The following TNFAIP8 variants were observed in gnomAD, a reference collection of about 807,000 sequenced individuals.
The protein encoded by TNFAIP8 is tumor necrosis factor alpha-induced protein 8.
TNFAIP8 carries 7 observed loss-of-function variants against 13.3 expected under a neutral mutation model. The ratio of observed to expected loss-of-function variants is 0.52; its 90% CI spans 0.30 to 0.99. The LOEUF is 0.99. TNFAIP8 is among the 50% of genes least tolerant of loss of function. The probability of loss-of-function intolerance (pLI) is 0.07; values close to 1 mark genes in which losing one functional copy is unlikely to be tolerated. For synonymous variants in TNFAIP8, 94 were observed against 87.6 expected (o/e 1.07, Z -0.41); for missense variants, 258 against 236.9 (o/e 1.09, Z -0.58).
intron 1 of TNFAIP8, among the ~76,000 whole-genome samples, chr5:119,309,964 A>G (rs1274739886): frequency 6.6e-6 from 1 of 152,206 alleles, no homozygotes; most frequent in Non-Finnish European, 1.5e-5. Flanking sequence ...AACCAGACAC[A>G]CAGGACTGTG....
At chr5:119,317,138 G>C (rs1003299953) in intron 1 of TNFAIP8, among the ~76,000 whole-genome samples, 4 of 152,148 alleles carry the variant, frequency 2.6e-5, no homozygotes, top group Non-Finnish European at 4.4e-5. Context: ...CCTCTTCTGC[G>C]TCTGCCATCA....
intron 1 of TNFAIP8, among the ~76,000 whole-genome samples, chr5:119,359,612 A>T (rs1478412700): frequency 6.6e-6 from 1 of 152,160 alleles, no homozygotes; most frequent in Non-Finnish European, 1.5e-5. Context: ...CTTCTGTAAT[A>T]AGAATCCCAA....
At chr5:119,340,152 A>G (rs1750689816) in intron 1 of TNFAIP8, among the ~76,000 whole-genome samples, 1 of 152,220 alleles carries the variant, frequency 6.6e-6, no homozygotes, top group Admixed American at 6.5e-5. Flanking sequence ...TATCTTTTAG[A>G]TGAAATCTGT....
At chr5:119,275,108 AAACACAACATATAAAATG>A (rs1222365944) in intron 1 of TNFAIP8, among the ~76,000 whole-genome samples, 1 of 152,118 alleles carries the variant, frequency 6.6e-6, no homozygotes, top group Non-Finnish European at 1.5e-5. Context: ...CATATAAAAT[AAACACAACATATAAAATG>A]AACACCTATG....
intron 1 of TNFAIP8, among the ~76,000 whole-genome samples, chr5:119,301,961 C>T (rs1221271315): frequency 6.6e-6 from 1 of 152,162 alleles, no homozygotes; most frequent in Non-Finnish European, 1.5e-5. Context: ...ACAGATGTTC[C>T]TAAGAATTTT....
At chr5:119,335,995 C>T (rs1750539442) in intron 1 of TNFAIP8, among the ~76,000 whole-genome samples, 1 of 151,818 alleles carries the variant, frequency 6.6e-6, no homozygotes, top group Admixed American at 6.6e-5. Flanking sequence ...TGTGGATATC[C>T]TGGGGGAAGA....
chr5:119,371,325 C>A (rs1752061288), intron 1 of TNFAIP8, among the ~76,000 whole-genome samples: 1 of 152,098 alleles, frequency 6.6e-6, no homozygotes, highest in African/African-American at 2.4e-5. Context: ...CAGCTGACAG[C>A]TTAAAAGTAC....
intron 1 of TNFAIP8, among the ~76,000 whole-genome samples, chr5:119,382,213 C>T (rs1418361620): frequency 6.6e-6 from 1 of 152,156 alleles, no homozygotes; most frequent in Non-Finnish European, 1.5e-5. Flanking sequence ...TCAAACCTAA[C>T]CTCCCTCTAT....
chr5:119,332,678 G>C (rs1449827584), intron 1 of TNFAIP8, among the ~76,000 whole-genome samples: 2 of 152,126 alleles, frequency 1.3e-5, no homozygotes, highest in Non-Finnish European at 2.9e-5. Flanking sequence ...TACCTAATAG[G>C]GATCACCAAA....
chr5:119,328,632 A>T (rs533145155), intron 1 of TNFAIP8, among the ~76,000 whole-genome samples: 1 of 152,318 alleles, frequency 6.6e-6, no homozygotes, highest in South Asian at 2.1e-4. Context: ...TTGTGAAGGG[A>T]GCCAGAGAGG....
rs943214551 is a variant in TNFAIP8, at chr5:119,399,481, T to C, written c.*6100T>C. The C allele has an allele frequency of 2.6e-5, 4 of 152,142 alleles. No homozygotes were observed. The highest frequency in any genetic ancestry group is 5.9e-5 in the Non-Finnish European group (4 of 68,016). The allele number at this position is 152,142 out of a possible 1,614,324, so 9.4% of individuals were successfully genotyped here. On this transcript the variant is annotated 3_prime_UTR_variant, in exon 2 of 2. Coordinates refer to ENST00000504771, the MANE Select transcript of TNFAIP8 (RefSeq NM_014350.4). ...CCTTTCACTATTTCCAAATCAGCGATGAAAAGAAGACTGAGTCTAAAATAA... is the reference window on the plus strand; with the variant it reads ...CCTTTCACTATTTCCAAATCAGCGACGAAAAGAAGACTGAGTCTAAAATAA...
intron 1 of TNFAIP8, among the ~76,000 whole-genome samples, chr5:119,269,638 A>G (rs2150796680): frequency 6.6e-6 from 1 of 152,292 alleles, no homozygotes; most frequent in Admixed American, 6.5e-5. Context: ...GTATTTCTAA[A>G]CCAACAGATT....
At chr5:119,338,436 C>T (rs1003102231) in intron 1 of TNFAIP8, among the ~76,000 whole-genome samples, 3 of 152,190 alleles carry the variant, frequency 2.0e-5, no homozygotes, top group Non-Finnish European at 2.9e-5. Flanking sequence ...GTCTTAGCAT[C>T]CACCCATTTT....
chr5:119,279,995 G>A (rs547284351), intron 1 of TNFAIP8, among the ~76,000 whole-genome samples: 19 of 152,120 alleles, frequency 1.2e-4, no homozygotes, highest in South Asian at 8.3e-4. Flanking sequence ...AATTTTTTCC[G>A]TCAGTTGGCT....
Position 119,397,566 on chromosome 5 carries a change from A to C in TNFAIP8, c.*4185A>C, listed in dbSNP as rs1462623295. 2.0e-5 allele frequency: 3 copies of C among 152,232 alleles called. No individual in the cohort carries two copies. Among genetic ancestry groups the C allele is most frequent in the African/African-American group, 7.2e-5 (3 of 41,464 alleles). 9.4% of individuals were successfully genotyped at this position (152,232 alleles called of 1,614,324 possible). On this transcript the variant is annotated 3_prime_UTR_variant, in exon 2 of 2. Coordinates refer to ENST00000504771, the MANE Select transcript of TNFAIP8 (RefSeq NM_014350.4). The stretch of plus-strand genomic sequence containing the variant: ...TGTTAAACTCATAGCAGGTTTTAGT[A>C]CACAGTGCTGTTTATGACAGAAAAA...
At chr5:119,328,127 A>G (rs1034328651) in intron 1 of TNFAIP8, among the ~76,000 whole-genome samples, 1 of 152,202 alleles carries the variant, frequency 6.6e-6, no homozygotes, top group Non-Finnish European at 1.5e-5. Flanking sequence ...AAACATTTTA[A>G]AATATAATCT....
intron 1 of TNFAIP8, among the ~76,000 whole-genome samples, chr5:119,366,142 TA>T (rs1389563896): frequency 6.9e-6 from 1 of 145,676 alleles, no homozygotes; most frequent in African/African-American, 2.5e-5. Flanking sequence ...GAAATAACTC[TA>T]AAATGAAAAA....
intron 1 of TNFAIP8, among the ~76,000 whole-genome samples, chr5:119,322,160 T>C (rs1233491686): frequency 6.6e-6 from 1 of 152,196 alleles, no homozygotes; most frequent in African/African-American, 2.4e-5. Flanking sequence ...CCACCCACTC[T>C]CTAGCCCCTG....
At position 119,392,992 on chromosome 5, in the gene TNFAIP8, A is replaced by T; in HGVS notation, c.208A>T (p.Lys70Ter). The change falls in exon 2 of 2, where the codon AAG (lysine) becomes TAG (stop). Residue 70 changes from lysine (K) to a stop codon, truncating the protein, a stop_gained. Coordinates refer to ENST00000504771, the MANE Select transcript of TNFAIP8 (RefSeq NM_014350.4). LOFTEE classifies it high-confidence loss of function. The stretch of plus-strand genomic sequence containing the variant: ...CACCCAAAACAAGAAGGAGGCAGAG[A>T]AGATCATCAAGAACCTCATCAAGAC... The part of the protein sequence containing the change: ...EYTQNKKEAE[K>*]IIKNLIKTVI... 6.2e-7 allele frequency: 1 copy of T among 1,613,038 alleles called. No individual in the cohort carries two copies. Among genetic ancestry groups the T allele is most frequent in the Non-Finnish European group, 8.5e-7 (1 of 1,179,476 alleles).
Sources: gnomAD v4.1 joint callset for allele counts (sites outside exome capture counted in the v4.1 genomes callset) on GRCh38, gnomAD v4.1.1 for gene constraint, MANE v1.5 for transcripts, NCBI Gene and HGNC (gene_info 2026-07-23, HGNC 2026-07-21) for gene names.